Variants in CFAP299 observed in about 807,000 individuals in gnomAD.
CFAP299 encodes cilia and flagella associated protein 299, also known as cilia- and flagella-associated protein 299.
In CFAP299, 21 loss-of-function variants were observed where a neutral mutation model predicts 27.0. The observed-to-expected ratio is 0.78, with a 90% CI of 0.55 to 1.12. CFAP299 has a LOEUF of 1.12. CFAP299 is among the 50% of genes most tolerant of loss of function. CFAP299 has a pLI of 0.00. For missense variants in CFAP299, 310 were observed against 276.6 expected (o/e 1.12, Z -0.86); for synonymous variants, 104 against 98.1 (o/e 1.06, Z -0.36).
Position 80,398,370 on chromosome 4 carries a change from G to A in CFAP299, c.242+35486G>A, listed in dbSNP as rs191160415. On this transcript the variant is annotated intron_variant, in intron 2 of 5. Transcript: ENST00000358105. ...TTCATATGGAACCAAAAAAGAGCCCGCATTGCCAATTCAATCCTAAGCCAA... is the reference window on the plus strand; with the variant it reads ...TTCATATGGAACCAAAAAAGAGCCCACATTGCCAATTCAATCCTAAGCCAA... Among the ~76,000 whole-genome samples the A allele has an allele frequency of 3.3e-4, 50 of 152,198 alleles. 3 individuals carry two copies. The East Asian group carries it at 7.3e-3, about 22-fold the overall frequency.
intron 4 of CFAP299, chr4:80,870,857 T>C (rs1337551063): frequency 1.0e-6 from 1 of 985,158 alleles, no homozygotes; most frequent in Non-Finnish European, 1.2e-6. Flanking sequence ...TGTTATCCTC[T>C]ATCCACCCTT....
At chr4:80,455,918 T>C (rs1286401750) in intron 2 of CFAP299, among the ~76,000 whole-genome samples, 1 of 152,114 alleles carries the variant, frequency 6.6e-6, no homozygotes, top group Non-Finnish European at 1.5e-5. Context: ...ACAGAGCTTA[T>C]GTTTTAGTTG....
chr4:80,558,403 C>T (rs1277956672), intron 2 of CFAP299, among the ~76,000 whole-genome samples: 1 of 136,148 alleles, frequency 7.3e-6, no homozygotes, highest in Non-Finnish European at 1.5e-5. Flanking sequence ...GTTCTCATAG[C>T]TCTCTAGATT....
At chr4:80,505,743 T>A (rs2110157145) in intron 2 of CFAP299, among the ~76,000 whole-genome samples, 1 of 152,220 alleles carries the variant, frequency 6.6e-6, no homozygotes. Context: ...ATGAAGAATT[T>A]TTTTAATTGC....
chr4:80,781,515 G>T (rs1726877927), intron 3 of CFAP299, among the ~76,000 whole-genome samples: 1 of 152,054 alleles, frequency 6.6e-6, no homozygotes, highest in Non-Finnish European at 1.5e-5. Flanking sequence ...AACAAAACTT[G>T]CCTGTCACAG....
chr4:80,897,724 C>G (rs1734676074), intron 4 of CFAP299, among the ~76,000 whole-genome samples: 1 of 152,230 alleles, frequency 6.6e-6, no homozygotes, highest in Non-Finnish European at 1.5e-5. Flanking sequence ...CCTGACATCT[C>G]TAGAGCTATG....
chr4:80,447,805 TCCCACCC>T (rs1301532983), intron 2 of CFAP299, among the ~76,000 whole-genome samples: 7 of 152,134 alleles, frequency 4.6e-5, no homozygotes. Context: ...GACATAATCC[TCCCACCC>T]CATCCCCATC....
intron 3 of CFAP299, among the ~76,000 whole-genome samples, chr4:80,802,583 A>G (rs1728668592): frequency 1.3e-5 from 2 of 152,036 alleles, no homozygotes; most frequent in African/African-American, 4.8e-5. Flanking sequence ...AGTATTTGAT[A>G]TTTGAAACCT....
intron 2 of CFAP299, chr4:80,386,884 AC>A (rs1470495763): frequency 3.5e-6 from 3 of 847,374 alleles, no homozygotes. Context: ...GCGGACTCGC[AC>A]ACCGAGCATT....
intron 2 of CFAP299, among the ~76,000 whole-genome samples, chr4:80,495,171 T>C (rs1405149063): frequency 1.3e-5 from 2 of 152,196 alleles, no homozygotes; most frequent in African/African-American, 2.4e-5. Context: ...TGCTAAAATA[T>C]AGTATTAACT....
intron 1 of CFAP299, among the ~76,000 whole-genome samples, chr4:80,362,208 C>T (rs915382006): frequency 2.0e-5 from 3 of 150,438 alleles, no homozygotes; most frequent in East Asian, 4.0e-4. Context: ...TGGAAACAAT[C>T]TTCATAGTTA....
intron 4 of CFAP299, among the ~76,000 whole-genome samples, chr4:80,883,488 AT>A (rs1279169779): frequency 6.6e-6 from 1 of 152,182 alleles, no homozygotes; most frequent in Non-Finnish European, 1.5e-5. Context: ...AAAAAAGTGG[AT>A]GAAAGGATAA....
At chr4:80,547,136 A>G (rs1382857445) in intron 2 of CFAP299, among the ~76,000 whole-genome samples, 2 of 152,152 alleles carry the variant, frequency 1.3e-5, no homozygotes, top group African/African-American at 4.8e-5. Context: ...ACTATAGTAC[A>G]AGGCTAACAA....
At chr4:80,384,820 C>T (rs748177693) in intron 2 of CFAP299, among the ~76,000 whole-genome samples, 2 of 152,118 alleles carry the variant, frequency 1.3e-5, no homozygotes, top group Non-Finnish European at 2.9e-5. Context: ...CAATGTCCTC[C>T]TCATTCTATA....
intron 2 of CFAP299, among the ~76,000 whole-genome samples, chr4:80,379,645 A>G (rs1280655464): frequency 2.6e-5 from 4 of 152,036 alleles, no homozygotes; most frequent in East Asian, 1.9e-4. Flanking sequence ...AGGCTTTATA[A>G]TTTCCTTTAT....
At chr4:80,465,350 G>A (rs1729650485) in intron 2 of CFAP299, among the ~76,000 whole-genome samples, 1 of 152,194 alleles carries the variant, frequency 6.6e-6, no homozygotes, top group African/African-American at 2.4e-5. Flanking sequence ...GGTGATGTAA[G>A]TGAGGTTCCT....
chr4:80,856,740 T>C (rs1189340213), intron 3 of CFAP299, among the ~76,000 whole-genome samples: 3 of 152,080 alleles, frequency 2.0e-5, no homozygotes, highest in South Asian at 2.1e-4. Flanking sequence ...TTCTGAGGGC[T>C]CTGTTCTGTT....
At chr4:80,683,367 T>C (rs1343731064) in intron 3 of CFAP299, among the ~76,000 whole-genome samples, 1 of 152,216 alleles carries the variant, frequency 6.6e-6, no homozygotes, top group Non-Finnish European at 1.5e-5. Context: ...ATTTTCATAA[T>C]GTCAAAAGTT....
intron 2 of CFAP299, among the ~76,000 whole-genome samples, chr4:80,493,613 A>C (rs1465612251): frequency 6.6e-6 from 1 of 152,172 alleles, no homozygotes; most frequent in Non-Finnish European, 1.5e-5. Context: ...AGTAGAAGGC[A>C]AAGAATTGAT....
Sources: gnomAD v4.1 joint callset for allele counts (sites outside exome capture counted in the v4.1 genomes callset) on GRCh38, gnomAD v4.1.1 for gene constraint, MANE v1.5 for transcripts, NCBI Gene and HGNC (gene_info 2026-07-23, HGNC 2026-07-21) for gene names.